ATP2B4: variants seen among roughly 807,000 people sequenced by gnomAD.
The protein encoded by ATP2B4 is ATPase plasma membrane Ca2+ transporting 4.
ATP2B4 carries 39 observed loss-of-function variants against 110.3 expected under a neutral mutation model. That is an observed-to-expected ratio of 0.35 (90% CI 0.27 to 0.46). ATP2B4 has a LOEUF of 0.46. Among genes scored for constraint, ATP2B4 ranks in the 20% least tolerant of loss-of-function variants. The pLI is 1.00. For synonymous variants in ATP2B4, 538 were observed against 571.7 expected, an observed-to-expected ratio of 0.94 and a Z score of 0.84; for missense variants, 1,135 against 1,530.9, an observed-to-expected ratio of 0.74 and a Z score of 4.32.
intron 1 of ATP2B4, chr1:203,657,663 T>C (rs1422024811): frequency 1.0e-5 from 8 of 795,842 alleles, no homozygotes; most frequent in Non-Finnish European, 1.8e-5. Context: ...CTCTCGTTCA[T>C]AAGCCTCTCA....
At chr1:203,685,959 G>A (rs930404987) in intron 2 of ATP2B4, among the ~76,000 whole-genome samples, 2 of 151,274 alleles carry the variant, frequency 1.3e-5, no homozygotes, top group Non-Finnish European at 1.5e-5. Flanking sequence ...GTTACTGTGT[G>A]TGTAACTGCA....
chr1:203,725,001 C>T (rs1666466380), intron 19 of ATP2B4, among the ~76,000 whole-genome samples: 1 of 151,584 alleles, frequency 6.6e-6, no homozygotes. Context: ...CCTCAGCCTC[C>T]CAAGTAGCTG....
At chr1:203,700,154 G>C (rs1255155166) in intron 4 of ATP2B4, 52 bp from the exon 5 acceptor site, 44 of 1,578,154 alleles carry the variant, frequency 2.8e-5, no homozygotes, top group Non-Finnish European at 3.7e-5. Context: ...CCTACCCTCA[G>C]CCAGTCTCTT....
chr1:203,712,208 C>A, intron 13 of ATP2B4, 69 bp downstream of exon 13: 44 of 1,533,406 alleles, frequency 2.9e-5, no homozygotes, highest in Non-Finnish European at 3.8e-5. Context: ...CATAAGGCAT[C>A]TGGGTCATGT....
chr1:203,679,217 G>A (rs563632862), intron 1 of ATP2B4, among the ~76,000 whole-genome samples: 1 of 152,278 alleles, frequency 6.6e-6, no homozygotes, highest in African/African-American at 2.4e-5. Flanking sequence ...AGCACCTTCA[G>A]ATTATTCTTT....
At chr1:203,679,505 C>T (rs1440495192) in intron 1 of ATP2B4, among the ~76,000 whole-genome samples, 1 of 152,182 alleles carries the variant, frequency 6.6e-6, no homozygotes, top group Non-Finnish European at 1.5e-5. Context: ...CCCATGTGTT[C>T]TAATCTTATG....
chr1:203,730,325 A>G (rs1316043005), intron 20 of ATP2B4, among the ~76,000 whole-genome samples: 1 of 151,620 alleles, frequency 6.6e-6, no homozygotes, highest in Non-Finnish European at 1.5e-5. Flanking sequence ...TCCTCTCAGA[A>G]AGAAAATTTC....
intron 14 of ATP2B4, 121 bp downstream of exon 14, chr1:203,713,373 C>T: frequency 2.0e-6 from 2 of 1,000,668 alleles, no homozygotes; most frequent in Non-Finnish European, 3.1e-6. Context: ...GGAGAGCTCC[C>T]AGGCTAGTGG....
rs138060556 is a variant in ATP2B4, at chr1:203,648,928, A to G, written c.-465+21709A>G. ...GAAGGAAATGGGGTATTATTGTTGA[A>G]CATGCCACTTAACTGCTGCAGCCTT... On this transcript the variant is annotated intron_variant, in intron 1 of 20. Coordinates refer to ENST00000357681, the MANE Select transcript of ATP2B4 (RefSeq NM_001684.5). Among the ~76,000 whole-genome samples, 875 of 152,314 alleles carry G rather than the reference A, an allele frequency of 5.7e-3. 6 individuals are homozygous for G. Among genetic ancestry groups the G allele is most frequent in the African/African-American group, 0.018 (743 of 41,562 alleles).
chr1:203,688,285 GT>G (rs1203492554), intron 2 of ATP2B4, among the ~76,000 whole-genome samples: 1 of 149,788 alleles, frequency 6.7e-6, no homozygotes, highest in Non-Finnish European at 1.5e-5. Context: ...CTGACCCAAT[GT>G]TTTTTTGTTG....
At chr1:203,726,298 G>A (rs1666514339) in intron 19 of ATP2B4, among the ~76,000 whole-genome samples, 1 of 152,002 alleles carries the variant, frequency 6.6e-6, no homozygotes, top group African/African-American at 2.4e-5. Context: ...AAAGTCCTGG[G>A]CTCAAGCAAT....
intron 20 of ATP2B4, among the ~76,000 whole-genome samples, chr1:203,736,729 C>T (rs1666887346): frequency 6.6e-6 from 1 of 152,206 alleles, no homozygotes; most frequent in Non-Finnish European, 1.5e-5. Context: ...CCTGCACCTT[C>T]TTCACTAGCC....
In ATP2B4 at chr1:203,713,166, T is replaced by C; in HGVS notation, c.2213T>C (p.Val738Ala). The change falls in exon 14 of 21, where the codon GTA becomes GCA. Residue 738 changes from valine (V) to alanine (A), a missense_variant and splice_region_variant. Physicochemically the swap from Val to Ala is moderately conservative, Grantham distance 64. This residue lies in a region of ATP2B4 where 368 missense variants were observed against 455.9 expected (regional missense o/e 0.81). Coordinates refer to ENST00000357681, the MANE Select transcript of ATP2B4 (RefSeq NM_001684.5). ...NRLIRNEKGE[V>A]EQEKLDKIWP... ...CCAGGTGTGGTCTGGTGTTGGCAGG[T>C]AGAGCAAGAAAAGCTGGACAAGATC... 6.2e-7 allele frequency: 1 copy of C among 1,614,170 alleles called. No homozygotes were observed. Among genetic ancestry groups the C allele is most frequent in the Non-Finnish European group, 8.5e-7 (1 of 1,180,006 alleles).
intron 1 of ATP2B4, among the ~76,000 whole-genome samples, chr1:203,677,559 T>C (rs754843641): frequency 1.9e-4 from 29 of 152,148 alleles, no homozygotes; most frequent in Non-Finnish European, 4.0e-4. Flanking sequence ...GCCTCCCAGG[T>C]TCAAGTGATT....
intron 1 of ATP2B4, among the ~76,000 whole-genome samples, chr1:203,634,229 C>G (rs1663368560): frequency 6.6e-6 from 1 of 152,198 alleles, no homozygotes; most frequent in South Asian, 2.1e-4. Context: ...TAAAATCTCT[C>G]TTAGCAATTC....
At chr1:203,633,273 G>C (rs1663331459) in intron 1 of ATP2B4, among the ~76,000 whole-genome samples, 1 of 152,124 alleles carries the variant, frequency 6.6e-6, no homozygotes, top group African/African-American at 2.4e-5. Flanking sequence ...CATGGACAGG[G>C]AGGAGCAGGG....
intron 1 of ATP2B4, chr1:203,657,756 G>C (rs1664206163): frequency 1.5e-6 from 1 of 680,938 alleles, no homozygotes; most frequent in Non-Finnish European, 2.7e-6. Context: ...TTCGTTCTGT[G>C]GCATGGTGAC....
chr1:203,683,365 C>T lies in ATP2B4; in HGVS notation c.160C>T (p.Leu54Phe), dbSNP rs758426870. The T allele has an allele frequency of 6.2e-7, 1 of 1,613,762 alleles. No homozygotes were observed. The highest frequency in any genetic ancestry group is 8.5e-7 in the Non-Finnish European group (1 of 1,179,808). ...INVHYGGVQN[L>F]CSRLKTSPVE... is the part of the protein sequence containing the mutation. The stretch of plus-strand genomic sequence containing the variant: ...TGTCCACTATGGAGGTGTACAGAAT[C>T]TCTGCAGTAGACTGAAAACCTCCCC... Residue 54 changes from leucine (L) to phenylalanine (F), a missense_variant, in exon 2 of 21, where the codon CTC becomes TTC. Physicochemically the swap from Leu to Phe is conservative, Grantham distance 22. Transcript: ENST00000357681.
At chr1:203,674,935 C>A (rs1465748914) in intron 1 of ATP2B4, among the ~76,000 whole-genome samples, 2 of 152,170 alleles carry the variant, frequency 1.3e-5, no homozygotes, top group Non-Finnish European at 2.9e-5. Context: ...TCTCAAACTC[C>A]TGACCTCAGG....
Sources: gnomAD v4.1 joint callset for allele counts (sites outside exome capture counted in the v4.1 genomes callset) on GRCh38, gnomAD v4.1.1 for gene constraint, gnomAD v4.1.1 regional missense constraint, MANE v1.5 for transcripts, NCBI Gene and HGNC (gene_info 2026-07-23, HGNC 2026-07-21) for gene names.